Variants in CHKB observed in about 807,000 individuals in gnomAD.
CHKB encodes choline/ethanolamine kinase.
CHKB carries 45 observed loss-of-function variants against 57.3 expected under a neutral mutation model. That is an observed-to-expected ratio of 0.79 (90% CI 0.62 to 1.01). The LOEUF (loss-of-function observed/expected upper bound fraction) is 1.01. Ranked by LOEUF, CHKB falls within the 50% of genes least tolerant of loss-of-function variation. CHKB has a pLI of 0.00. For missense variants in CHKB, 517 were observed against 502.8 expected (o/e 1.03, Z -0.27); for synonymous variants, 224 against 201.8 (o/e 1.11, Z -0.93).
chr22:50,579,114 G>C lies in CHKB; in HGVS notation c.*67C>G. 1 of 1,487,178 alleles carries C rather than the reference G, an allele frequency of 6.7e-7. No homozygotes were observed. Among genetic ancestry groups the C allele is most frequent in the Middle Eastern group, 1.7e-4 (1 of 5,852 alleles). The allele number at this position is 1,487,178 out of a possible 1,614,324, so 92.1% of individuals were successfully genotyped here. A position where few individuals can be genotyped will look rare whatever the true frequency, so the allele number is the denominator to read the frequency against. On this transcript the variant is annotated 3_prime_UTR_variant, in exon 11 of 11. Coordinates refer to ENST00000406938, the MANE Select transcript of CHKB (RefSeq NM_005198.5). ...GCCCAGTCGCCAGGGCCTTCTGCTC[G>C]TTGTTCCTCCCTCCAAGGTCCTGCC...
rs1555894289 is a variant in CHKB, at chr22:50,579,509, T to A, written c.1032-2A>T. On this transcript the variant is annotated splice_acceptor_variant, in intron 9 of 10. Transcript: ENST00000406938. LOFTEE classifies it high-confidence loss of function. ...AAGAAATGGGATGCCAGAGCATACC[T>A]GGGGGGAGGGCAGGAAAAGGAGGGG... The A allele has an allele frequency of 6.2e-7, 1 of 1,613,120 alleles. No homozygotes were observed. Among genetic ancestry groups the A allele is most frequent in the South Asian group, 1.1e-5 (1 of 91,044 alleles).
At chr22:50,581,688 C>T (rs1443883482) in intron 3 of CHKB, 61 bp downstream of exon 3, 2 of 1,580,830 alleles carry the variant, frequency 1.3e-6, no homozygotes, top group Non-Finnish European at 8.7e-7. Flanking sequence ...ACATTGGGCA[C>T]TGGGGTAGGG....
chr22:50,581,415 C>T lies in CHKB; in HGVS notation c.581+5G>A. ...ACAGGAGCCCTGAGGAGGCTCCTGA[C>T]TCACCGCTCCATGGTCCCAAACAGC... On this transcript the variant is annotated splice_donor_5th_base_variant and intron_variant, in intron 4 of 10. Transcript: ENST00000406938. 1 of 1,613,022 alleles carries T rather than the reference C, an allele frequency of 6.2e-7. No homozygotes were observed. Among genetic ancestry groups the T allele is most frequent in the Non-Finnish European group, 8.5e-7 (1 of 1,179,884 alleles).
At chr22:50,579,862 G>C (rs1303113057) in intron 8 of CHKB, 32 bp from the exon 9 acceptor site, 1 of 1,602,044 alleles carries the variant, frequency 6.2e-7, no homozygotes, top group Non-Finnish European at 8.5e-7. Context: ...CAGGAATTGG[G>C]GAGACTGTGG....
At chr22:50,582,502 C>T (rs770307691) in intron 1 of CHKB, 56 bp downstream of exon 1, 11 of 1,541,904 alleles carry the variant, frequency 7.1e-6, no homozygotes, top group African/African-American at 1.4e-5. Context: ...GAGGGCCCCG[C>T]GGCTGACCCC....
In CHKB at chr22:50,579,817, C is replaced by T. The variant is rs577953900; in HGVS notation, c.941G>A (p.Arg314His). The change falls in exon 9 of 11, where the codon CGT (arginine) becomes CAT (histidine). Residue 314 changes from arginine to histidine, a missense_variant. Transcript: ENST00000406938. Reference protein sequence around the residue: ...PTQEQQLHFIRHYLAEAKKGE... With the variant: ...PTQEQQLHFIHHYLAEAKKGE... ...TTTCTTTGCCTCTGCCAGGTAATGA[C>T]GAATAAAATGCAACTACGATCAATG... The T allele has an allele frequency of 5.9e-5, 95 of 1,613,712 alleles. 1 individual carries two copies. In the South Asian group the frequency reaches 8.7e-4, roughly 15 times the overall value.
At position 50,579,256 on chromosome 22, in the gene CHKB, C is replaced by T. The variant is rs759847956; in HGVS notation, c.1114-1G>A. On this transcript the variant is annotated splice_acceptor_variant, in intron 10 of 10. Transcript: ENST00000406938. LOFTEE classifies it high-confidence loss of function. The stretch of plus-strand genomic sequence containing the variant: ...ACTGGAACCGAGACTGGGCATAGTC[C>T]TAGGGAAGGAAACCCACCCCACACA... The T allele has an allele frequency of 1.9e-6, 3 of 1,613,586 alleles. No homozygotes were observed. In the Admixed American group the frequency reaches 5.0e-5, roughly 27 times the overall value.
At chr22:50,580,130 G>C in intron 7 of CHKB, 48 bp from the exon 8 acceptor site, 1 of 1,612,894 alleles carries the variant, frequency 6.2e-7, no homozygotes, top group Non-Finnish European at 8.5e-7. Context: ...CTGGGCAGCT[G>C]GCCTGTTTTC....
chr22:50,580,721 A>T (rs1317516726), intron 4 of CHKB, 61 bp from the exon 5 acceptor site: 69 of 1,473,694 alleles, frequency 4.7e-5, no homozygotes, highest in Non-Finnish European at 6.5e-5. Context: ...TCGCCTATCT[A>T]CCCCTCAGGC....
chr22:50,582,378 C>T lies in CHKB; in HGVS notation c.225-21G>A, dbSNP rs373182054. 1.9e-5 allele frequency: 29 copies of T among 1,533,002 alleles called. 1 individual carries two copies. In the African/African-American group the frequency reaches 3.7e-4, roughly 20 times the overall value. 95.0% of individuals were successfully genotyped at this position (1,533,002 alleles called of 1,614,324 possible). On this transcript the variant is annotated intron_variant, in intron 1 of 10. Transcript: ENST00000406938. The stretch of plus-strand genomic sequence containing the variant: ...CTCCGCTGCAGACCCACACCAGGCG[C>T]GCTCAGCCCGCGGCCGGCCCTACCT...
In CHKB at chr22:50,580,384, A is replaced by G. The variant is rs766718421; in HGVS notation, c.710T>C (p.Val237Ala). ...KLLESTPSPV[V>A]FCHNDIQEGN... ...TTCCTGGATGTCATTGTGGCAGAAG[A>G]CGACTGGCGATGGGGTAGACTCTAG... The change falls in exon 6 of 11, where the codon GTC becomes GCC. Residue 237 changes from valine (V) to alanine (A), a missense_variant. Physicochemically the swap from Val to Ala is moderately conservative, Grantham distance 64 (BLOSUM62 0). Transcript: ENST00000406938. The G allele has an allele frequency of 6.2e-6, 10 of 1,613,988 alleles. No homozygotes were observed. Among genetic ancestry groups the G allele is most frequent in the Non-Finnish European group, 8.5e-6 (10 of 1,180,010 alleles).
In CHKB at chr22:50,580,402, G is replaced by T; in HGVS notation, c.692C>A (p.Ser231Tyr). The change falls in exon 6 of 11, where the codon TCT becomes TAT. Residue 231 changes from serine (S) to tyrosine (Y), a missense_variant. Ser to Tyr is a moderately radical substitution (Grantham distance 144). Transcript: ENST00000406938. ...GCAGAAGACGACTGGCGATGGGGTA[G>T]ACTCTAGTAACTTCCTACAGGGGTA... is the stretch of plus-strand genomic sequence containing the variant. ...EMGNLRKLLE[S>Y]TPSPVVFCHN... 6.2e-7 allele frequency: 1 copy of T among 1,614,042 alleles called. No homozygotes were observed. Among genetic ancestry groups the T allele is most frequent in the South Asian group, 1.1e-5 (1 of 91,062 alleles).
rs746317833 is a variant in CHKB, at chr22:50,582,747, C to A, written c.35G>T (p.Gly12Val). Residue 12 changes from glycine to valine, a missense_variant, in exon 1 of 11, where the codon GGG (glycine) becomes GTG (valine). Physicochemically the swap from Gly to Val is moderately radical, Grantham distance 109. Coordinates refer to ENST00000406938, the MANE Select transcript of CHKB (RefSeq NM_005198.5). The stretch of plus-strand genomic sequence containing the variant: ...TTTGGCCAGGCAGCCGCCAACAGCC[C>A]CGCTTCCGGCCACAGCTGTCGCCTC... ...AAEATAVAGSGAVGGCLAKDG... is the reference protein window; with the variant it reads ...AAEATAVAGSVAVGGCLAKDG... 1.3e-6 allele frequency: 2 copies of A among 1,594,134 alleles called. No homozygotes were observed. Among genetic ancestry groups the A allele is most frequent in the East Asian group, 2.3e-5 (1 of 43,756 alleles).
Position 50,582,336 on chromosome 22 carries a change from G to T in CHKB, c.246C>A (p.Leu82=). ...YPVSGGLSNL[L]FRCSLPDHLP... The stretch of plus-strand genomic sequence containing the variant: ...GGTGGTCCGGGAGCGAGCAGCGGAA[G>T]AGCAGGTTGCTGAGGCCTCCGCTGC... Residue 82 remains leucine (L), a synonymous_variant, in exon 2 of 11, where the codon CTC becomes CTA. Coordinates refer to ENST00000406938, the MANE Select transcript of CHKB (RefSeq NM_005198.5). 6.4e-7 allele frequency: 1 copy of T among 1,571,716 alleles called. No individual in the cohort carries two copies. The highest frequency in any genetic ancestry group is 1.2e-5 in the South Asian group (1 of 85,670).
intron 9 of CHKB, 100 bp from the exon 10 acceptor site, chr22:50,579,607 C>T: frequency 1.3e-6 from 2 of 1,488,660 alleles, no homozygotes; most frequent in South Asian, 2.3e-5. Flanking sequence ...TTTAACTTCT[C>T]CCCCACTGTC....
Position 50,579,185 on chromosome 22 carries a change from G to A in CHKB, c.1184C>T (p.Ser395Phe). The stretch of plus-strand genomic sequence containing the variant: ...CCAAGGAGTGGGAGGGTGGAGTCAG[G>A]ATGAGGAGTGGACACTGGTCAGCTG... The part of the protein sequence containing the change: ...KGQLTSVHSS[S>F] The change falls in exon 11 of 11, where the codon TCC becomes TTC. Residue 395 changes from serine to phenylalanine, a missense_variant. Transcript: ENST00000406938. 6.2e-7 allele frequency: 1 copy of A among 1,613,490 alleles called. No homozygotes were observed. The highest frequency in any genetic ancestry group is 2.2e-5 in the East Asian group (1 of 44,860).
At position 50,581,438 on chromosome 22, in the gene CHKB, A is replaced by G; in HGVS notation, c.563T>C (p.Leu188Pro). The G allele has an allele frequency of 6.2e-7, 1 of 1,613,596 alleles. No homozygotes were observed. The highest frequency in any genetic ancestry group is 2.2e-5 in the East Asian group (1 of 44,884). The change falls in exon 4 of 11, where the codon CTG becomes CCG. Residue 188 changes from leucine (L) to proline (P), a missense_variant. Physicochemically the swap from Leu to Pro is moderately conservative, Grantham distance 98. Transcript: ENST00000406938. ...GACTCACCGCTCCATGGTCCCAAAC[A>G]GCCAGTGGGGCTCCTTGGTGAAAGG... is the stretch of plus-strand genomic sequence containing the variant. The part of the protein sequence containing the change: ...EMPFTKEPHW[L>P]FGTMERYLKQ...
Position 50,582,232 on chromosome 22 carries a change from G to A in CHKB, c.333+17C>T, listed in dbSNP as rs777753875. 10 of 1,563,984 alleles carry A rather than the reference G, an allele frequency of 6.4e-6. No individual in the cohort carries two copies. The African/African-American group carries it at 9.5e-5, about 15-fold the overall frequency. The stretch of plus-strand genomic sequence containing the variant: ...GCCCTAAAGCCACTGGTGCTGCGGC[G>A]CTCACACCCCCCTCACCTGCAAGAT... On this transcript the variant is annotated intron_variant, in intron 2 of 10. Transcript: ENST00000406938.
At chr22:50,579,392 C>G (rs1353159411) in intron 10 of CHKB, 34 bp downstream of exon 10, 15 of 1,603,606 alleles carry the variant, frequency 9.4e-6, no homozygotes, top group Middle Eastern at 1.7e-4. Flanking sequence ...TCCCCAGCCC[C>G]CCAGCTAGCA....
Sources: gnomAD v4.1 joint callset for allele counts on GRCh38, gnomAD v4.1.1 for gene constraint, MANE v1.5 for transcripts, NCBI Gene and HGNC (gene_info 2026-07-23, HGNC 2026-07-21) for gene names.